The following SPIDR variants were observed in gnomAD, a reference collection of about 807,000 sequenced individuals.
SPIDR encodes DNA repair-scaffolding protein.
Under a neutral mutation model 104.6 loss-of-function variants are expected in SPIDR, and 93 were observed. The ratio of observed to expected loss-of-function variants is 0.89; its 90% CI spans 0.75 to 1.06. The LOEUF (loss-of-function observed/expected upper bound fraction) is 1.06, where lower values mean the gene tolerates loss of function less well. SPIDR is among the 50% of genes least tolerant of loss of function. The pLI, the probability that SPIDR is intolerant of heterozygous loss-of-function variation, is 0.00. For synonymous variants in SPIDR, 431 were observed against 416.9 expected (o/e 1.03, Z -0.41); for missense variants, 1,154 against 1,111.2 (o/e 1.04, Z -0.55).
chr8:47,620,819 T>C (rs1207452407), intron 10 of SPIDR, among the ~76,000 whole-genome samples: 1 of 150,176 alleles, frequency 6.7e-6, no homozygotes, highest in Non-Finnish European at 1.5e-5. Flanking sequence ...GGTTTCACCA[T>C]GTTGGCCAGG....
chr8:47,265,995 C>T (rs2033893365), intron 1 of SPIDR, among the ~76,000 whole-genome samples: 1 of 152,108 alleles, frequency 6.6e-6, no homozygotes, highest in Non-Finnish European at 1.5e-5. Flanking sequence ...GGTGATCTGC[C>T]CGCATCGACA....
intron 7 of SPIDR, among the ~76,000 whole-genome samples, chr8:47,410,301 C>T (rs2063328286): frequency 6.6e-6 from 1 of 151,816 alleles, no homozygotes; most frequent in South Asian, 2.1e-4. Flanking sequence ...CCTCCTCAAC[C>T]CCCGGAGTAG....
chr8:47,663,500 A>G (rs2074429573), intron 10 of SPIDR, among the ~76,000 whole-genome samples: 1 of 152,242 alleles, frequency 6.6e-6, no homozygotes. Flanking sequence ...CCAAGGCACT[A>G]TTTTGGAGCA....
At chr8:47,703,067 A>C (rs188153242) in intron 14 of SPIDR, among the ~76,000 whole-genome samples, 1 of 152,222 alleles carries the variant, frequency 6.6e-6, no homozygotes. Context: ...TCTGACACTC[A>C]CACCCCTCAC....
chr8:47,400,390 A>G (rs901475379), intron 6 of SPIDR, among the ~76,000 whole-genome samples: 2 of 152,232 alleles, frequency 1.3e-5, no homozygotes, highest in Non-Finnish European at 2.9e-5. Flanking sequence ...CTTAAATACT[A>G]AAAATGAGAT....
At chr8:47,361,948 C>T (rs2056068781) in intron 5 of SPIDR, among the ~76,000 whole-genome samples, 1 of 152,160 alleles carries the variant, frequency 6.6e-6, no homozygotes, top group African/African-American at 2.4e-5. Context: ...GTATAATTGT[C>T]CAGACCAGAG....
chr8:47,660,478 C>G (rs893772781), intron 10 of SPIDR: 1 of 985,320 alleles, frequency 1.0e-6, no homozygotes, highest in African/African-American at 1.7e-5. Flanking sequence ...TGCACAGAAT[C>G]AAAGTCCTGC....
intron 7 of SPIDR, 31 bp downstream of exon 7, chr8:47,407,992 T>A: frequency 8.3e-7 from 1 of 1,209,020 alleles, no homozygotes; most frequent in Non-Finnish European, 1.2e-6. Context: ...TGAGACAATG[T>A]GTAAAAAAAT....
At chr8:47,472,697 A>G (rs2075867124) in intron 8 of SPIDR, among the ~76,000 whole-genome samples, 1 of 152,230 alleles carries the variant, frequency 6.6e-6, no homozygotes, top group Non-Finnish European at 1.5e-5. Context: ...TGACCTCAAA[A>G]TAAGTAATTT....
At chr8:47,427,301 A>G (rs2066571540) in intron 7 of SPIDR, among the ~76,000 whole-genome samples, 1 of 150,016 alleles carries the variant, frequency 6.7e-6, no homozygotes, top group Non-Finnish European at 1.5e-5. Context: ...AAGGGTTGGG[A>G]CAGGGTTTTT....
At chr8:47,690,605 GGCCAAAAGTTCAAGACCA>G (rs2078501289) in intron 11 of SPIDR, among the ~76,000 whole-genome samples, 3 of 152,002 alleles carry the variant, frequency 2.0e-5, no homozygotes, top group Admixed American at 2.0e-4. Context: ...CATCACTTGA[GGCCAAAAGTTCAAGACCA>G]GCCTTGCCAA....
At chr8:47,386,896 G>T (rs1416059974) in intron 5 of SPIDR, among the ~76,000 whole-genome samples, 12 of 75,010 alleles carry the variant, frequency 1.6e-4, no homozygotes, top group African/African-American at 5.2e-4. Context: ...GAGAGAAAGA[G>T]AGAGAGAGAT....
intron 7 of SPIDR, among the ~76,000 whole-genome samples, chr8:47,427,282 C>T (rs1321722731): frequency 6.8e-6 from 1 of 148,078 alleles, no homozygotes; most frequent in Non-Finnish European, 1.5e-5. Context: ...ACAAGGATTA[C>T]CATTGGAAAA....
At chr8:47,298,695 A>C (rs1254392490) in intron 5 of SPIDR, among the ~76,000 whole-genome samples, 1 of 152,228 alleles carries the variant, frequency 6.6e-6, no homozygotes, top group Non-Finnish European at 1.5e-5. Flanking sequence ...TCCCAGCACC[A>C]TTTGTAAAAT....
intron 8 of SPIDR, among the ~76,000 whole-genome samples, chr8:47,563,834 T>A (rs1237988999): frequency 6.6e-6 from 1 of 152,174 alleles, no homozygotes; most frequent in East Asian, 1.9e-4. Context: ...TTAATACCTA[T>A]GAATAATTTT....
intron 8 of SPIDR, among the ~76,000 whole-genome samples, chr8:47,541,142 G>A (rs2088042629): frequency 6.6e-6 from 1 of 152,204 alleles, no homozygotes; most frequent in Non-Finnish European, 1.5e-5. Flanking sequence ...TTACAGGCAC[G>A]AGCCACTGCG....
chr8:47,408,777 C>A (rs1588314531), intron 7 of SPIDR, among the ~76,000 whole-genome samples: 1 of 152,096 alleles, frequency 6.6e-6, no homozygotes, highest in East Asian at 1.9e-4. Context: ...AATCAACATA[C>A]CAAAATCAAT....
intron 8 of SPIDR, among the ~76,000 whole-genome samples, chr8:47,520,706 G>A (rs1257271738): frequency 1.3e-5 from 2 of 152,138 alleles, no homozygotes; most frequent in South Asian, 2.1e-4. Context: ...TTGCAGATGG[G>A]GAAACTGAAG....
At chr8:47,534,391 T>C (rs910179649) in intron 8 of SPIDR, among the ~76,000 whole-genome samples, 3 of 152,154 alleles carry the variant, frequency 2.0e-5, no homozygotes, top group Non-Finnish European at 2.9e-5. Context: ...TAAATGCCCA[T>C]CAACAGTAGA....
Sources: allele counts gnomAD v4.1 joint callset (sites outside exome capture counted in the v4.1 genomes callset), GRCh38; gene constraint gnomAD v4.1.1; transcripts MANE v1.5; gene names NCBI Gene and HGNC (gene_info 2026-07-23, HGNC 2026-07-21).